Variants in SCHIP1 observed in about 807,000 individuals in gnomAD.
SCHIP1 encodes schwannomin interacting protein 1, also known as schwannomin-interacting protein 1.
Under a neutral mutation model 29.7 loss-of-function variants are expected in SCHIP1, and 8 were observed. The observed-to-expected ratio is 0.27, with a 90% CI of 0.16 to 0.49. The LOEUF (loss-of-function observed/expected upper bound fraction) is 0.49. Ranked by LOEUF, SCHIP1 falls within the 20% of genes least tolerant of loss-of-function variation. The pLI, the probability that SCHIP1 is intolerant of heterozygous loss-of-function variation, is 0.99. For missense variants in SCHIP1, 193 were observed against 294.6 expected, an observed-to-expected ratio of 0.66 and a Z score of 2.52; for synonymous variants, 76 against 94.9, an observed-to-expected ratio of 0.80 and a Z score of 1.16.
chr3:159,530,752 C>A, the SCHIP1 span, among the ~76,000 whole-genome samples: 2 of 152,194 alleles, frequency 1.3e-5, no homozygotes, highest in East Asian at 3.9e-4. Flanking sequence ...CTCCTGCTGC[C>A]CTTTCATGTG....
At chr3:159,288,324 C>T in the SCHIP1 span, among the ~76,000 whole-genome samples, 2 of 152,050 alleles carry the variant, frequency 1.3e-5, no homozygotes, top group African/African-American at 2.4e-5. Flanking sequence ...AGCTAGTATC[C>T]CCTCATGCAA....
At chr3:159,872,904 A>G (rs928817393) in intron 2 of SCHIP1, among the ~76,000 whole-genome samples, 2 of 152,180 alleles carry the variant, frequency 1.3e-5, no homozygotes, top group Non-Finnish European at 2.9e-5. Flanking sequence ...TGAACTGGAA[A>G]TACCTTACCT....
the SCHIP1 span, among the ~76,000 whole-genome samples, chr3:159,769,966 C>T: frequency 6.6e-6 from 1 of 152,212 alleles, no homozygotes; most frequent in Non-Finnish European, 1.5e-5. Flanking sequence ...ATACCACCAT[C>T]TTGTCCCTAG....
At chr3:159,606,001 C>T in the SCHIP1 span, among the ~76,000 whole-genome samples, 2 of 152,164 alleles carry the variant, frequency 1.3e-5, no homozygotes, top group Non-Finnish European at 2.9e-5. Flanking sequence ...ACTACAGCTG[C>T]CTCACATAGC....
At chr3:159,774,465 C>G in the SCHIP1 span, among the ~76,000 whole-genome samples, 1 of 152,088 alleles carries the variant, frequency 6.6e-6, no homozygotes, top group Non-Finnish European at 1.5e-5. Context: ...ATCCTTATCA[C>G]TTGTCTTTAT....
At chr3:159,694,781 A>G in the SCHIP1 span, among the ~76,000 whole-genome samples, 1 of 152,198 alleles carries the variant, frequency 6.6e-6, no homozygotes, top group Non-Finnish European at 1.5e-5. Flanking sequence ...ATTTCAGCTC[A>G]ATTTGCCTTA....
At chr3:159,480,680 C>T in the SCHIP1 span, among the ~76,000 whole-genome samples, 1 of 152,148 alleles carries the variant, frequency 6.6e-6, no homozygotes, top group Admixed American at 6.5e-5. Flanking sequence ...CTTCCCACCT[C>T]CTCTTTGACT....
chr3:159,425,276 T>C, the SCHIP1 span, among the ~76,000 whole-genome samples: 1 of 152,114 alleles, frequency 6.6e-6, no homozygotes, highest in Non-Finnish European at 1.5e-5. Flanking sequence ...GACCCATCAA[T>C]GTGCTGTATT....
At chr3:159,354,559 G>A in the SCHIP1 span, among the ~76,000 whole-genome samples, 1 of 152,046 alleles carries the variant, frequency 6.6e-6, no homozygotes, top group Non-Finnish European at 1.5e-5. Context: ...TCTTCTTATT[G>A]GAATTTTGAA....
chr3:159,734,150 T>A, the SCHIP1 span, among the ~76,000 whole-genome samples: 1 of 144,770 alleles, frequency 6.9e-6, no homozygotes, highest in Admixed American at 6.8e-5. Context: ...TTTTTTTTTT[T>A]TTTTTTTTGT....
intron 1 of SCHIP1, among the ~76,000 whole-genome samples, chr3:159,857,379 G>A (rs924414548): frequency 1.3e-5 from 2 of 152,030 alleles, no homozygotes; most frequent in East Asian, 1.9e-4. Context: ...CCTTCTCCTC[G>A]CTAGTTGCCT....
chr3:159,394,339 T>G, the SCHIP1 span, among the ~76,000 whole-genome samples: 1 of 152,098 alleles, frequency 6.6e-6, no homozygotes, highest in African/African-American at 2.4e-5. Context: ...TGGCCAGAAC[T>G]TCCAACACTA....
chr3:159,398,844 T>C, the SCHIP1 span: 1 of 277,328 alleles, frequency 3.6e-6, no homozygotes, highest in East Asian at 1.8e-4. Flanking sequence ...ATATGTTAAG[T>C]TTTTGTTCAT....
the SCHIP1 span, among the ~76,000 whole-genome samples, chr3:159,563,067 A>C: frequency 6.6e-6 from 1 of 152,208 alleles, no homozygotes; most frequent in Admixed American, 6.5e-5. Context: ...TTTAGTAGAG[A>C]TATTACAACT....
At chr3:159,356,253 T>C in the SCHIP1 span, among the ~76,000 whole-genome samples, 1 of 152,164 alleles carries the variant, frequency 6.6e-6, no homozygotes. Context: ...GGTTAAGTTG[T>C]TATCGTTCAA....
At chr3:159,480,372 T>C in the SCHIP1 span, among the ~76,000 whole-genome samples, 1 of 152,172 alleles carries the variant, frequency 6.6e-6, no homozygotes, top group Non-Finnish European at 1.5e-5. Flanking sequence ...AGTTGCCCAG[T>C]AGTTGTTCCA....
the SCHIP1 span, among the ~76,000 whole-genome samples, chr3:159,750,296 T>TATATATACAC: frequency 2.5e-4 from 33 of 132,772 alleles, no homozygotes; most frequent in African/African-American, 1.0e-3. Flanking sequence ...TATATATATA[T>TATATATACAC]ACACACACAC....
the SCHIP1 span, among the ~76,000 whole-genome samples, chr3:159,688,689 T>G: frequency 6.6e-6 from 1 of 152,214 alleles, no homozygotes; most frequent in Non-Finnish European, 1.5e-5. Context: ...ATGTCCTGAA[T>G]GGTATTGTCT....
chr3:159,600,203 G>T, the SCHIP1 span, among the ~76,000 whole-genome samples: 1 of 152,120 alleles, frequency 6.6e-6, no homozygotes. Flanking sequence ...AGACCTTCTT[G>T]CATTGTATCT....
Sources: allele counts gnomAD v4.1 joint callset (sites outside exome capture counted in the v4.1 genomes callset), GRCh38; gene constraint gnomAD v4.1.1; transcripts MANE v1.5; gene names NCBI Gene and HGNC (gene_info 2026-07-23, HGNC 2026-07-21).